LIPI: variants seen among roughly 807,000 people sequenced by gnomAD.
LIPI encodes the protein lipase I.
Under a neutral mutation model 50.6 loss-of-function variants are expected in LIPI, and 59 were observed. The observed-to-expected ratio is 1.16, with a 90% CI of 0.94 to 1.45. LIPI has a LOEUF of 1.45. LIPI is among the 40% of genes most tolerant of loss of function. LIPI has a pLI of 0.00. For missense variants in LIPI, 586 were observed against 536.3 expected (o/e 1.09, Z -0.92); for synonymous variants, 203 against 178.2 (o/e 1.14, Z -1.11).
chr21:14,116,761 T>C (rs1362326337), intron 9 of LIPI, among the ~76,000 whole-genome samples: 1 of 152,080 alleles, frequency 6.6e-6, no homozygotes, highest in Admixed American at 6.5e-5. Context: ...CCAAAATGGC[T>C]ACAGGCCTGC....
intron 9 of LIPI, among the ~76,000 whole-genome samples, chr21:14,136,189 G>C (rs71315761): frequency 6.6e-6 from 1 of 152,154 alleles, no homozygotes; most frequent in Non-Finnish European, 1.5e-5. Context: ...TGCATGGAGG[G>C]CCTTGGCGAG....
At chr21:14,166,522 G>T in intron 4 of LIPI, 71 bp from the exon 5 acceptor site, 1 of 816,460 alleles carries the variant, frequency 1.2e-6, no homozygotes, top group Non-Finnish European at 2.2e-6. Context: ...AAACAAAATA[G>T]CCTATAAAAT....
intron 1 of LIPI, 76 bp from the exon 2 acceptor site, chr21:14,189,495 T>A: frequency 7.4e-7 from 1 of 1,349,920 alleles, no homozygotes; most frequent in Non-Finnish European, 1.0e-6. Flanking sequence ...AAGAACAGAA[T>A]TAAATGTGGA....
chr21:14,127,893 T>G (rs1181937509), intron 9 of LIPI, among the ~76,000 whole-genome samples: 6 of 152,240 alleles, frequency 3.9e-5, no homozygotes, highest in Middle Eastern at 3.4e-3. Context: ...TATGTATAGA[T>G]ATTAACTATT....
At chr21:14,167,424 T>G (rs1415100668) in intron 4 of LIPI, among the ~76,000 whole-genome samples, 1 of 152,190 alleles carries the variant, frequency 6.6e-6, no homozygotes, top group Non-Finnish European at 1.5e-5. Flanking sequence ...AGTGGGTCCC[T>G]GACCCCCGAC....
chr21:14,149,308 GAAT>G (rs1482766547), intron 8 of LIPI, among the ~76,000 whole-genome samples: 1 of 152,098 alleles, frequency 6.6e-6, no homozygotes, highest in Non-Finnish European at 1.5e-5. Flanking sequence ...TCTATCAAGA[GAAT>G]AATATAGGGG....
At chr21:14,202,474 C>G (rs1446874189) in intron 1 of LIPI, among the ~76,000 whole-genome samples, 2 of 152,064 alleles carry the variant, frequency 1.3e-5, no homozygotes, top group South Asian at 4.2e-4. Context: ...GGTACTGGTA[C>G]CAAAACAGAG....
intron 4 of LIPI, among the ~76,000 whole-genome samples, chr21:14,177,916 G>T (rs985102101): frequency 7.4e-6 from 1 of 136,014 alleles, no homozygotes; most frequent in Non-Finnish European, 1.6e-5. Flanking sequence ...TTCTGCTCAT[G>T]ACAGTTTCTC....
chr21:14,156,684 T>A (rs1329277005), intron 7 of LIPI, among the ~76,000 whole-genome samples: 1 of 151,874 alleles, frequency 6.6e-6, no homozygotes. Context: ...AAAAAACATA[T>A]ACAAGTGGAA....
intron 1 of LIPI, among the ~76,000 whole-genome samples, chr21:14,208,354 G>A (rs2020280248): frequency 6.6e-6 from 1 of 152,074 alleles, no homozygotes; most frequent in Non-Finnish European, 1.5e-5. Flanking sequence ...CATACTACAA[G>A]TTCTGTGACT....
At chr21:14,131,201 C>T (rs538242967) in intron 9 of LIPI, among the ~76,000 whole-genome samples, 2 of 152,202 alleles carry the variant, frequency 1.3e-5, no homozygotes, top group South Asian at 2.1e-4. Flanking sequence ...CCACCCACCT[C>T]GGCCTCCCAA....
intron 8 of LIPI, among the ~76,000 whole-genome samples, chr21:14,150,426 G>C (rs1200515718): frequency 2.0e-5 from 3 of 152,138 alleles, no homozygotes; most frequent in African/African-American, 7.2e-5. Flanking sequence ...TACATTAAGT[G>C]ATCTTCTTTT....
chr21:14,165,493 C>T (rs2018650043), intron 5 of LIPI, 103 bp from the exon 6 acceptor site: 1 of 781,970 alleles, frequency 1.3e-6, no homozygotes, highest in South Asian at 1.6e-5. Flanking sequence ...TACTATGTAC[C>T]TTATGAATAT....
intron 6 of LIPI, among the ~76,000 whole-genome samples, chr21:14,163,830 C>A (rs2018580927): frequency 6.6e-6 from 1 of 151,748 alleles, no homozygotes. Flanking sequence ...CAGGATTTTA[C>A]CTGTAATTCC....
intron 9 of LIPI, among the ~76,000 whole-genome samples, chr21:14,129,156 A>C (rs975585664): frequency 6.6e-6 from 1 of 152,122 alleles, no homozygotes; most frequent in African/African-American, 2.4e-5. Context: ...GTATTTATAG[A>C]TAAGAGAAGG....
chr21:14,136,618 G>A (rs1600849689), intron 9 of LIPI, among the ~76,000 whole-genome samples: 1 of 152,256 alleles, frequency 6.6e-6, no homozygotes, highest in East Asian at 1.9e-4. Flanking sequence ...AGTACTTCTG[G>A]ATCCACTCAG....
At chr21:14,177,060 T>G (rs116169044) in intron 4 of LIPI, among the ~76,000 whole-genome samples, 1 of 152,162 alleles carries the variant, frequency 6.6e-6, no homozygotes, top group Non-Finnish European at 1.5e-5. Flanking sequence ...TTAATTAAAA[T>G]TATTCACTAT....
At chr21:14,193,167 A>G (rs569945964) in intron 1 of LIPI, among the ~76,000 whole-genome samples, 9 of 152,236 alleles carry the variant, frequency 5.9e-5, no homozygotes, top group Non-Finnish European at 8.8e-5. Flanking sequence ...GTTAGTATCA[A>G]TTTTAAAAAG....
intron 9 of LIPI, among the ~76,000 whole-genome samples, chr21:14,130,057 A>T (rs79050674): frequency 0.027 from 4,169 of 152,278 alleles, 182 homozygotes; most frequent in African/African-American, 0.091. Context: ...TTTAGGATGG[A>T]TCAACAAACT....
Sources: gnomAD v4.1 joint callset for allele counts (sites outside exome capture counted in the v4.1 genomes callset) on GRCh38, gnomAD v4.1.1 for gene constraint, MANE v1.5 for transcripts, NCBI Gene and HGNC (gene_info 2026-07-23, HGNC 2026-07-21) for gene names.